The following CTNND2 variants were observed in gnomAD, a reference collection of about 807,000 sequenced individuals.
CTNND2 encodes catenin delta-2.
In CTNND2, 22 loss-of-function variants were observed where a neutral mutation model predicts 144.4. That is an observed-to-expected ratio of 0.15 (90% CI 0.11 to 0.22). CTNND2 has a LOEUF of 0.22. Among genes scored for constraint, CTNND2 ranks in the 10% least tolerant of loss-of-function variants. The pLI, the probability that CTNND2 is intolerant of heterozygous loss-of-function variation, is 1.00. For missense variants in CTNND2, 1,353 were observed against 1,618.8 expected (o/e 0.84, Z 2.82); for synonymous variants, 751 against 695.6 (o/e 1.08, Z -1.25).
rs553316840 is a variant in CTNND2 at position 11,707,049 on chromosome 5, G to A, written c.174+25087C>T. ...TGCAGTGAGCCGAGATCACGCCACT[G>A]CACTCCAGCCTGGGAGACAGAGCAA... On this transcript the variant is annotated intron_variant, in intron 2 of 21. Coordinates refer to ENST00000304623, the MANE Select transcript of CTNND2 (RefSeq NM_001332.4). Among the ~76,000 whole-genome samples the A allele has an allele frequency of 2.3e-4, 34 of 150,088 alleles. 1 individual carries two copies. The highest frequency in any genetic ancestry group is 7.9e-4 in the African/African-American group (32 of 40,750).
chr5:11,827,762 T>C (rs1446435347), intron 1 of CTNND2, among the ~76,000 whole-genome samples: 1 of 152,170 alleles, frequency 6.6e-6, no homozygotes, highest in African/African-American at 2.4e-5. Context: ...AGTATAACTT[T>C]CTCCCTCTTA....
chr5:11,176,517 T>C (rs969628747), intron 11 of CTNND2, among the ~76,000 whole-genome samples: 1 of 152,302 alleles, frequency 6.6e-6, no homozygotes, highest in Middle Eastern at 3.4e-3. Flanking sequence ...ACCAAGTTTA[T>C]CCATTTTACT....
chr5:11,430,647 T>C (rs1763213827), intron 3 of CTNND2, among the ~76,000 whole-genome samples: 1 of 152,200 alleles, frequency 6.6e-6, no homozygotes, highest in South Asian at 2.1e-4. Context: ...AACATGTGTT[T>C]CTGTATTTGG....
At chr5:11,736,957 T>C (rs771539477) in intron 1 of CTNND2, among the ~76,000 whole-genome samples, 20 of 152,312 alleles carry the variant, frequency 1.3e-4, no homozygotes, top group South Asian at 2.1e-4. Flanking sequence ...TCAACAAACA[T>C]TGCTCTACAG....
intron 3 of CTNND2, among the ~76,000 whole-genome samples, chr5:11,459,529 G>C (rs190786833): frequency 2.2e-4 from 34 of 152,314 alleles, no homozygotes; most frequent in Non-Finnish European, 4.3e-4. Flanking sequence ...CACCATGTAT[G>C]GGGACAGACT....
At chr5:11,238,732 TATAC>T (rs1240977733) in intron 9 of CTNND2, among the ~76,000 whole-genome samples, 2 of 152,100 alleles carry the variant, frequency 1.3e-5, no homozygotes, top group Non-Finnish European at 2.9e-5. Context: ...TACACACAGA[TATAC>T]ATACACACTA....
intron 16 of CTNND2, among the ~76,000 whole-genome samples, chr5:11,029,564 C>T (rs1743227985): frequency 6.6e-6 from 1 of 152,156 alleles, no homozygotes; most frequent in Non-Finnish European, 1.5e-5. Flanking sequence ...ATTTACAGTT[C>T]CATCTCACAC....
chr5:10,991,530 C>T (rs1261217528), intron 19 of CTNND2, among the ~76,000 whole-genome samples: 1 of 152,112 alleles, frequency 6.6e-6, no homozygotes, highest in Admixed American at 6.5e-5. Flanking sequence ...CAAATTTATG[C>T]CATTTATATT....
intron 16 of CTNND2, among the ~76,000 whole-genome samples, chr5:11,045,158 T>TTA (rs1745101890): frequency 6.6e-6 from 1 of 152,230 alleles, no homozygotes; most frequent in Non-Finnish European, 1.5e-5. Context: ...GGGCTGTGTC[T>TTA]TAGTCCATTT....
At chr5:11,897,038 T>A (rs558269389) in intron 1 of CTNND2, among the ~76,000 whole-genome samples, 1 of 152,302 alleles carries the variant, frequency 6.6e-6, no homozygotes, top group African/African-American at 2.4e-5. Flanking sequence ...TTGTACTATC[T>A]CTGAGACTTT....
At chr5:11,189,827 A>C (rs1736060562) in intron 11 of CTNND2, among the ~76,000 whole-genome samples, 1 of 152,200 alleles carries the variant, frequency 6.6e-6, no homozygotes, top group Admixed American at 6.5e-5. Context: ...CACAGTCTAC[A>C]GAATGGCTTC....
At chr5:11,484,115 T>G (rs545639389) in intron 3 of CTNND2, among the ~76,000 whole-genome samples, 1 of 152,318 alleles carries the variant, frequency 6.6e-6, no homozygotes, top group African/African-American at 2.4e-5. Context: ...CACTCCACAT[T>G]GCACAAATGA....
rs572470567 is a variant in CTNND2, at chr5:10,989,958, G to A, written c.3212-1716C>T. Among the ~76,000 whole-genome samples, 5 of 152,268 alleles carry A rather than the reference G, an allele frequency of 3.3e-5. No homozygotes were observed. In the South Asian group the frequency reaches 1.0e-3, roughly 32 times the overall value. ...GGTTTTGGATCCTGGATGCCTATTA[G>A]AATTCATTACCTGGAATCCTTTAAA... On this transcript the variant is annotated intron_variant, in intron 19 of 21. Coordinates refer to ENST00000304623, the MANE Select transcript of CTNND2 (RefSeq NM_001332.4).
At chr5:11,754,593 C>G (rs997726938) in intron 1 of CTNND2, among the ~76,000 whole-genome samples, 1 of 151,732 alleles carries the variant, frequency 6.6e-6, no homozygotes, top group Non-Finnish European at 1.5e-5. Context: ...TTATCTACAT[C>G]TCTTTGTAAG....
chr5:11,315,201 C>T (rs113287944), intron 9 of CTNND2, among the ~76,000 whole-genome samples: 1,583 of 152,222 alleles, frequency 0.01, 23 homozygotes, highest in African/African-American at 0.035. Context: ...TCCATACTAC[C>T]TTGTACTAGA....
At chr5:11,850,343 G>C (rs2127002936) in intron 1 of CTNND2, among the ~76,000 whole-genome samples, 1 of 152,138 alleles carries the variant, frequency 6.6e-6, no homozygotes, top group Admixed American at 6.5e-5. Flanking sequence ...GTTTCGTAAA[G>C]ACAAATATAT....
chr5:11,006,041 G>A (rs992326683), intron 18 of CTNND2, among the ~76,000 whole-genome samples: 1 of 152,002 alleles, frequency 6.6e-6, no homozygotes, highest in African/African-American at 2.4e-5. Context: ...CATGAGACAG[G>A]TTCTATTAAA....
chr5:11,780,388 G>A (rs1023350076), intron 1 of CTNND2, among the ~76,000 whole-genome samples: 2 of 152,072 alleles, frequency 1.3e-5, no homozygotes, highest in African/African-American at 2.4e-5. Context: ...TCTATTCCAC[G>A]TGCTGTCTCC....
chr5:11,200,063 C>T (rs181769495), intron 10 of CTNND2, among the ~76,000 whole-genome samples: 1 of 152,140 alleles, frequency 6.6e-6, no homozygotes, highest in African/African-American at 2.4e-5. Context: ...AGGAATGATA[C>T]ACAAAATGTT....
Sources: allele counts gnomAD v4.1 joint callset (sites outside exome capture counted in the v4.1 genomes callset), GRCh38; gene constraint gnomAD v4.1.1; transcripts MANE v1.5; gene names NCBI Gene and HGNC (gene_info 2026-07-23, HGNC 2026-07-21).